The following USP54 variants were observed in gnomAD, a reference collection of about 807,000 sequenced individuals.
USP54 encodes the protein ubiquitin carboxyl-terminal hydrolase 54.
Under a neutral mutation model 170.5 loss-of-function variants are expected in USP54, and 87 were observed. That is an observed-to-expected ratio of 0.51 (90% CI 0.43 to 0.61). The LOEUF (loss-of-function observed/expected upper bound fraction) is 0.61. Ranked by LOEUF, USP54 falls within the 20% of genes least tolerant of loss-of-function variation. The probability of loss-of-function intolerance (pLI) is 0.00; values close to 1 mark genes in which losing one functional copy is unlikely to be tolerated. For missense variants in USP54, 1,786 were observed against 2,047.8 expected, an observed-to-expected ratio of 0.87 and a Z score of 2.47; for synonymous variants, 655 against 742.8, an observed-to-expected ratio of 0.88 and a Z score of 1.92.
chr10:73,521,006 C>T lies in USP54; in HGVS notation c.2384G>A (p.Arg795Lys), dbSNP rs959394168. Residue 795 changes from arginine to lysine, a missense_variant, in exon 18 of 24, where the codon AGG becomes AAG. This residue lies in a region of USP54 where 1,418 missense variants were observed against 1,569.0 expected (regional missense o/e 0.90). Coordinates refer to ENST00000687698, the MANE Select transcript of USP54 (RefSeq NM_001391956.1). ...QNQGRSDGFE[R>K]SLQEAESVFE... ...CACTGACTCTGCCTCTTGCAGGGAC[C>T]TCTCAAAGCCGTCACTCCTCCCTGA... 1.7e-5 allele frequency: 28 copies of T among 1,614,024 alleles called. No individual in the cohort carries two copies. The highest frequency in any genetic ancestry group is 2.3e-5 in the Non-Finnish European group (27 of 1,180,040).
intron 1 of USP54, among the ~76,000 whole-genome samples, chr10:73,600,620 C>G (rs1403035197): frequency 1.3e-5 from 2 of 152,146 alleles, no homozygotes; most frequent in African/African-American, 4.8e-5. Flanking sequence ...AGTCAAAAAA[C>G]TACCTATCAG....
rs576093800 is a variant in USP54 at position 73,521,089 on chromosome 10, T to C, written c.2363-62A>G. On this transcript the variant is annotated intron_variant, in intron 17 of 23. Coordinates refer to ENST00000687698, the MANE Select transcript of USP54 (RefSeq NM_001391956.1). ...CATTCCAAATTTTCCTGTGTACTGTTGTTTCCCTTCAGTACACAGAGATCC... is the reference window on the plus strand; with the variant it reads ...CATTCCAAATTTTCCTGTGTACTGTCGTTTCCCTTCAGTACACAGAGATCC... The C allele has an allele frequency of 1.8e-5, 29 of 1,602,970 alleles. No homozygotes were observed. In the East Asian group the frequency reaches 6.0e-4, roughly 33 times the overall value.
At chr10:73,614,286 G>A (rs1269028754) in intron 1 of USP54, among the ~76,000 whole-genome samples, 7 of 149,864 alleles carry the variant, frequency 4.7e-5, no homozygotes, top group African/African-American at 1.8e-4. Flanking sequence ...CAGGCTAGGC[G>A]CAATAGCTGG....
At chr10:73,625,965 G>A (rs961573592), upstream of USP54, 1 of 143,318 alleles carries the variant, frequency 7.0e-6, no homozygotes, top group Non-Finnish European at 1.5e-5. Context: ...CTTAACCGCC[G>A]CGGCTGCTAT....
chr10:73,584,817 T>C (rs764293438), intron 1 of USP54, among the ~76,000 whole-genome samples: 1 of 152,150 alleles, frequency 6.6e-6, no homozygotes, highest in Non-Finnish European at 1.5e-5. Context: ...TGGTTAATAA[T>C]TGGTAACTAT....
At chr10:73,590,898 G>A (rs1589344649) in intron 1 of USP54, among the ~76,000 whole-genome samples, 1 of 151,938 alleles carries the variant, frequency 6.6e-6, no homozygotes, top group African/African-American at 2.4e-5. Context: ...CTGAAAATAG[G>A]TATAAAGAAA....
intron 1 of USP54, among the ~76,000 whole-genome samples, chr10:73,584,386 C>CAA (rs200241841): frequency 6.9e-6 from 1 of 145,246 alleles, no homozygotes; most frequent in African/African-American, 2.5e-5. Flanking sequence ...GACTTTGTCT[C>CAA]AAAAAAAAAA....
rs2061154506 is a variant in USP54 at position 73,516,793 on chromosome 10, G to A, written c.3633C>T (p.Asn1211=). The A allele has an allele frequency of 1.2e-6, 2 of 1,614,174 alleles. No individual in the cohort carries two copies. Among genetic ancestry groups the A allele is most frequent in the Non-Finnish European group, 1.7e-6 (2 of 1,180,034 alleles). The change falls in exon 20 of 24, where the codon AAC becomes AAT. Residue 1211 remains asparagine (N), a synonymous_variant. Coordinates refer to ENST00000687698, the MANE Select transcript of USP54 (RefSeq NM_001391956.1). Reference sequence around the variant, plus strand: ...AAGTTTCACCATTAGGCAGCCCAGAGTTTAAGGCAAGAGAAGAATGTTCAG... The same window carrying A: ...AAGTTTCACCATTAGGCAGCCCAGAATTTAAGGCAAGAGAAGAATGTTCAG... The part of the protein sequence containing the change: ...ESTEHSSLAL[N]SGLPNGETSS...
At chr10:73,621,599 CAA>C (rs11380656) in intron 1 of USP54, among the ~76,000 whole-genome samples, 12 of 61,156 alleles carry the variant, frequency 2.0e-4, no homozygotes, top group African/African-American at 2.2e-4. Flanking sequence ...CACTCCGTCT[CAA>C]AAAAAAAAAA....
intron 11 of USP54, among the ~76,000 whole-genome samples, chr10:73,535,354 T>C (rs1364251897): frequency 1.3e-5 from 2 of 151,912 alleles, no homozygotes; most frequent in Admixed American, 1.3e-4. Flanking sequence ...GGAGAAGAGG[T>C]AGAACAGGTC....
At chr10:73,584,112 G>A (rs1369795313) in intron 1 of USP54, among the ~76,000 whole-genome samples, 1 of 151,972 alleles carries the variant, frequency 6.6e-6, no homozygotes, top group Non-Finnish European at 1.5e-5. Context: ...AGATGTGAAC[G>A]GGCACAGTGG....
intron 1 of USP54, among the ~76,000 whole-genome samples, chr10:73,612,981 C>A (rs112673133): frequency 0.035 from 5,344 of 151,892 alleles, 154 homozygotes; most frequent in South Asian, 0.11. Flanking sequence ...CATGGTGAGG[C>A]CCCGTCTCTC....
At chr10:73,536,502 T>C (rs1190131678) in intron 10 of USP54, 65 bp from the exon 11 acceptor site, 3 of 1,410,682 alleles carry the variant, frequency 2.1e-6, no homozygotes, top group Non-Finnish European at 2.8e-6. Context: ...ACAACATATC[T>C]TTCTGTTCTG....
intron 1 of USP54, among the ~76,000 whole-genome samples, chr10:73,621,126 G>C (rs933229546): frequency 6.7e-6 from 1 of 148,716 alleles, no homozygotes; most frequent in Non-Finnish European, 1.5e-5. Flanking sequence ...ACTGCACTCC[G>C]GCCTGGGTGA....
chr10:73,508,893 C>T (rs1007189006), intron 20 of USP54, among the ~76,000 whole-genome samples: 96 of 151,426 alleles, frequency 6.3e-4, no homozygotes, highest in African/African-American at 2.3e-3. Context: ...GTCTTGAATT[C>T]CTGACCTCGT....
At chr10:73,594,758 A>T (rs1554947752), upstream of USP54, among the ~76,000 whole-genome samples, 1 of 152,142 alleles carries the variant, frequency 6.6e-6, no homozygotes, top group Non-Finnish European at 1.5e-5. Flanking sequence ...GTTCTAGCAA[A>T]CAAAAATTAG....
chr10:73,510,967 T>C (rs2060106362), intron 20 of USP54, among the ~76,000 whole-genome samples: 1 of 152,122 alleles, frequency 6.6e-6, no homozygotes, highest in Middle Eastern at 3.2e-3. Context: ...ATTCCATTTA[T>C]ATGAAATGTC....
At chr10:73,536,154 T>C (rs1294711747) in intron 11 of USP54, 115 bp downstream of exon 11, 6 of 1,419,656 alleles carry the variant, frequency 4.2e-6, no homozygotes, top group Middle Eastern at 1.8e-4. Flanking sequence ...TTACCTCTAA[T>C]GGATCCTCTT....
At chr10:73,596,796 T>G (rs560801893) in intron 1 of USP54, among the ~76,000 whole-genome samples, 188 of 150,276 alleles carry the variant, frequency 1.3e-3, no homozygotes, top group African/African-American at 4.6e-3. Context: ...TACTTAATAA[T>G]ATTCCCAAAT....
Sources: gnomAD v4.1 joint callset for allele counts (sites outside exome capture counted in the v4.1 genomes callset) on GRCh38, gnomAD v4.1.1 for gene constraint, gnomAD v4.1.1 regional missense constraint, MANE v1.5 for transcripts, NCBI Gene and HGNC (gene_info 2026-07-23, HGNC 2026-07-21) for gene names.